The following NRXN1 variants were observed in gnomAD, a reference collection of about 807,000 sequenced individuals.
The protein encoded by NRXN1 is neurexin 1.
In NRXN1, 39 loss-of-function variants were observed where a neutral mutation model predicts 150.9. The observed-to-expected ratio is 0.26, with a 90% CI of 0.20 to 0.34. NRXN1 has a LOEUF of 0.34. Among genes scored for constraint, NRXN1 ranks in the 10% least tolerant of loss-of-function variants. The pLI, the probability that NRXN1 is intolerant of heterozygous loss-of-function variation, is 1.00. For synonymous variants in NRXN1, 924 were observed against 757.0 expected (o/e 1.22, Z -3.62); for missense variants, 1,815 against 1,949.9 (o/e 0.93, Z 1.30).
intron 15 of NRXN1, among the ~76,000 whole-genome samples, chr2:50,479,502 A>G (rs1259815589): frequency 1.3e-5 from 2 of 152,214 alleles, no homozygotes; most frequent in African/African-American, 4.8e-5. Flanking sequence ...TTATGTAACC[A>G]TTAGTTTATA....
At chr2:50,080,632 T>C (rs1697817238) in intron 19 of NRXN1, among the ~76,000 whole-genome samples, 1 of 152,216 alleles carries the variant, frequency 6.6e-6, no homozygotes, top group African/African-American at 2.4e-5. Context: ...CCCAATGTTA[T>C]AATTATATCA....
chr2:50,447,313 TTAA>T (rs2086505026), intron 17 of NRXN1, among the ~76,000 whole-genome samples: 2 of 151,000 alleles, frequency 1.3e-5, no homozygotes, highest in Non-Finnish European at 3.0e-5. Context: ...ATCTGTACTA[TTAA>T]TAAAAATACA....
At chr2:50,981,969 A>T (rs576863733) in intron 2 of NRXN1, among the ~76,000 whole-genome samples, 2 of 148,944 alleles carry the variant, frequency 1.3e-5, no homozygotes, top group Non-Finnish European at 3.0e-5. Flanking sequence ...AGAGAGATAG[A>T]GAAAGAGGAG....
At chr2:50,504,603 TG>T (rs2092127258) in intron 13 of NRXN1, among the ~76,000 whole-genome samples, 1 of 146,310 alleles carries the variant, frequency 6.8e-6, no homozygotes, top group African/African-American at 2.8e-5. Context: ...ACCATTCTTT[TG>T]TTTTCATCCT....
chr2:50,470,838 G>C (rs1179694660), intron 16 of NRXN1, among the ~76,000 whole-genome samples: 1 of 151,798 alleles, frequency 6.6e-6, no homozygotes, highest in African/African-American at 2.4e-5. Flanking sequence ...TAAAATGAAA[G>C]TGGCAATCAA....
intron 13 of NRXN1, among the ~76,000 whole-genome samples, chr2:50,502,713 G>A (rs542492480): frequency 4.2e-4 from 64 of 152,324 alleles, no homozygotes; most frequent in African/African-American, 1.5e-3. Flanking sequence ...GAAGGTAGCA[G>A]TGTAAACTCA....
chr2:50,263,969 C>T (rs1219611795), intron 17 of NRXN1, among the ~76,000 whole-genome samples: 1 of 152,050 alleles, frequency 6.6e-6, no homozygotes, highest in African/African-American at 2.4e-5. Flanking sequence ...CTGCTTTCAT[C>T]ATTCTCAAGT....
At chr2:49,927,780 C>T (rs1669355597) in intron 22 of NRXN1, among the ~76,000 whole-genome samples, 1 of 152,060 alleles carries the variant, frequency 6.6e-6, no homozygotes, top group Non-Finnish European at 1.5e-5. Flanking sequence ...CATTAGCATG[C>T]CATCAGATGG....
At chr2:50,630,585 G>A (rs1276228753) in intron 5 of NRXN1, among the ~76,000 whole-genome samples, 1 of 151,690 alleles carries the variant, frequency 6.6e-6, no homozygotes, top group African/African-American at 2.4e-5. Flanking sequence ...ACTGTCCCCA[G>A]TTACATGAAG....
At chr2:51,021,879 T>C (rs1471121952) in intron 2 of NRXN1, among the ~76,000 whole-genome samples, 5 of 152,078 alleles carry the variant, frequency 3.3e-5, no homozygotes, top group Non-Finnish European at 7.4e-5. Context: ...TTAGTTTATG[T>C]GGAAAGTGAA....
At chr2:50,259,226 T>C (rs1440098481) in intron 17 of NRXN1, among the ~76,000 whole-genome samples, 1 of 151,974 alleles carries the variant, frequency 6.6e-6, no homozygotes, top group East Asian at 1.9e-4. Flanking sequence ...AGCTGTTTTG[T>C]CTACACTGAA....
At chr2:50,111,499 C>A (rs930109335) in intron 18 of NRXN1, among the ~76,000 whole-genome samples, 91 of 151,994 alleles carry the variant, frequency 6.0e-4, no homozygotes, top group African/African-American at 2.1e-3. Context: ...ATTAGCAGGG[C>A]CTGGTGGTAT....
Position 50,152,506 on chromosome 2 carries a change from CTA to C in NRXN1, c.3547-61014_3547-61013del, listed in dbSNP as rs796644972. On this transcript the variant is annotated intron_variant, in intron 18 of 22. Transcript: ENST00000401669. Reference sequence around the variant, plus strand: ...GGCATAGTAACAAACCCTACTTACACTATGTTTCCCGCAGCTTTTATTTATCT... The same window carrying C: ...GGCATAGTAACAAACCCTACTTACACTGTTTCCCGCAGCTTTTATTTATCT... 8.6e-5 allele frequency among the ~76,000 whole-genome samples: 13 copies of C among 151,910 alleles called. 1 individual carries two copies. Among genetic ancestry groups the C allele is most frequent in the African/African-American group, 1.7e-4 (7 of 41,512 alleles).
chr2:50,504,208 T>C (rs948551594), intron 13 of NRXN1, among the ~76,000 whole-genome samples: 24 of 151,028 alleles, frequency 1.6e-4, no homozygotes, highest in Non-Finnish European at 3.1e-4. Flanking sequence ...AAAATGCTTA[T>C]TGCGTATTGA....
chr2:50,210,522 A>G (rs1050072304), intron 18 of NRXN1, among the ~76,000 whole-genome samples: 2 of 151,826 alleles, frequency 1.3e-5, no homozygotes, highest in African/African-American at 4.8e-5. Context: ...TGTAATTTTG[A>G]ATAATCACTG....
intron 8 of NRXN1, among the ~76,000 whole-genome samples, chr2:50,606,884 T>C (rs534534971): frequency 3.5e-4 from 54 of 152,294 alleles, no homozygotes; most frequent in Middle Eastern, 3.4e-3. Context: ...ACTATTCCAC[T>C]TGACATTTAA....
At chr2:50,475,511 T>G (rs1180940852) in intron 15 of NRXN1, among the ~76,000 whole-genome samples, 1 of 152,156 alleles carries the variant, frequency 6.6e-6, no homozygotes, top group African/African-American at 2.4e-5. Flanking sequence ...ATTAAAAAAC[T>G]TACTTGCCTG....
At chr2:50,512,902 C>T (rs1487101564) in intron 12 of NRXN1, among the ~76,000 whole-genome samples, 1 of 152,154 alleles carries the variant, frequency 6.6e-6, no homozygotes, top group East Asian at 1.9e-4. Context: ...TGTTTTTTCA[C>T]ATACCTCTTT....
chr2:50,053,200 G>T (rs1363049), intron 21 of NRXN1, 71 bp downstream of exon 21: 44 of 1,484,308 alleles, frequency 3.0e-5, no homozygotes, highest in African/African-American at 4.2e-5. Context: ...TAGAAAAGAC[G>T]CATATGCAGA....
Sources: gnomAD v4.1 joint callset for allele counts (sites outside exome capture counted in the v4.1 genomes callset) on GRCh38, gnomAD v4.1.1 for gene constraint, MANE v1.5 for transcripts, NCBI Gene and HGNC (gene_info 2026-07-23, HGNC 2026-07-21) for gene names.